Variants in KRCC1 observed in about 807,000 individuals in gnomAD.
The protein encoded by KRCC1 is lysine rich coiled-coil 1, also known as lysine-rich coiled-coil protein 1.
KRCC1 carries 3 observed loss-of-function variants against 7.4 expected under a neutral mutation model. The observed-to-expected ratio is 0.40, with a 90% CI of 0.18 to 1.04. The LOEUF (loss-of-function observed/expected upper bound fraction) is 1.04, where lower values mean the gene tolerates loss of function less well. Among genes scored for constraint, KRCC1 ranks in the 50% least tolerant of loss-of-function variants. KRCC1 has a pLI of 0.33. For synonymous variants in KRCC1, 102 were observed against 101.6 expected (o/e 1.00, Z -0.02); for missense variants, 277 against 300.9 (o/e 0.92, Z 0.59).
At chr2:88,042,465 C>T (rs1391055333) in intron 1 of KRCC1, among the ~76,000 whole-genome samples, 1 of 150,514 alleles carries the variant, frequency 6.6e-6, no homozygotes, top group East Asian at 2.0e-4. Flanking sequence ...GTCCCTGAGG[C>T]TGGAGTGCAG....
chr2:88,049,364 G>A (rs1319832338), intron 1 of KRCC1, among the ~76,000 whole-genome samples: 1 of 152,156 alleles, frequency 6.6e-6, no homozygotes, highest in Admixed American at 6.5e-5. Flanking sequence ...AATGTGAATG[G>A]GTTTGTAAGA....
intron 1 of KRCC1, among the ~76,000 whole-genome samples, chr2:88,040,030 A>G (rs777159971): frequency 6.6e-5 from 10 of 152,190 alleles, no homozygotes; most frequent in Admixed American, 2.0e-4. Flanking sequence ...AAGAACAGGT[A>G]AATACTGTCT....
intron 2 of KRCC1, among the ~76,000 whole-genome samples, chr2:88,035,673 G>T (rs531298967): frequency 6.6e-6 from 1 of 152,060 alleles, no homozygotes; most frequent in South Asian, 2.1e-4. Context: ...GTAAATGTAG[G>T]GAAAAGGACA....
intron 2 of KRCC1, among the ~76,000 whole-genome samples, 164 bp downstream of exon 2, chr2:88,036,779 C>T (rs934536811): frequency 6.6e-6 from 1 of 152,136 alleles, no homozygotes; most frequent in Non-Finnish European, 1.5e-5. Flanking sequence ...GAATTTAAAT[C>T]CTACTTCCCC....
intron 1 of KRCC1, among the ~76,000 whole-genome samples, chr2:88,054,973 A>G (rs1282591014): frequency 1.3e-5 from 2 of 152,168 alleles, no homozygotes; most frequent in East Asian, 1.9e-4. Flanking sequence ...TCTCTAAATT[A>G]GAGGATTAAA....
In KRCC1 at chr2:88,028,547, T is replaced by C; in HGVS notation, c.17A>G (p.Lys6Arg). The C allele has an allele frequency of 6.2e-7, 1 of 1,609,672 alleles. No homozygotes were observed. The highest frequency in any genetic ancestry group is 8.5e-7 in the Non-Finnish European group (1 of 1,178,678). MKHSK[K>R]TYDSFQDELE... is the part of the protein sequence containing the mutation. The stretch of plus-strand genomic sequence containing the variant: ...TTCATCTTGAAAAGAGTCATATGTC[T>C]TCTTTGAATGCTTCATTAGGTTGAC... Residue 6 changes from lysine (K) to arginine (R), a missense_variant, in exon 4 of 4, where the codon AAG becomes AGG. By Grantham distance (26) the Lys-to-Arg change is conservative (BLOSUM62 2). Transcript: ENST00000347055.
intron 1 of KRCC1, among the ~76,000 whole-genome samples, chr2:88,044,500 A>G (rs1243415519): frequency 6.7e-6 from 1 of 150,024 alleles, no homozygotes; most frequent in Admixed American, 6.6e-5. Context: ...TAGAAGATAT[A>G]AAGACTTTTT....
intron 1 of KRCC1, among the ~76,000 whole-genome samples, chr2:88,039,289 A>G (rs898136720): frequency 1.3e-5 from 2 of 152,220 alleles, no homozygotes; most frequent in African/African-American, 2.4e-5. Flanking sequence ...ACTAATCTTA[A>G]TATTAATGCC....
At chr2:88,048,392 G>T (rs1265514728) in intron 1 of KRCC1, among the ~76,000 whole-genome samples, 2 of 152,086 alleles carry the variant, frequency 1.3e-5, no homozygotes, top group East Asian at 3.9e-4. Context: ...GTATTTTATT[G>T]AAGTTATCTA....
rs1055798512 is a variant in KRCC1 at position 88,027,936 on chromosome 2, T to C, written c.628A>G (p.Ser210Gly). ...TEVEIETVHV[S>G]TEKLKNRKEK... ...TTTCGATTCTTAAGCTTTTCTGTAC[T>C]GACATGTACGGTTTCTATTTCCACC... Residue 210 changes from serine to glycine, a missense_variant, in exon 4 of 4, where the codon AGT becomes GGT. Transcript: ENST00000347055. The C allele has an allele frequency of 1.2e-6, 2 of 1,614,040 alleles. No individual in the cohort carries two copies. Among genetic ancestry groups the C allele is most frequent in the Non-Finnish European group, 8.5e-7 (1 of 1,180,022 alleles).
At chr2:88,052,036 T>G (rs1673501126) in intron 1 of KRCC1, among the ~76,000 whole-genome samples, 1 of 152,254 alleles carries the variant, frequency 6.6e-6, no homozygotes, top group Non-Finnish European at 1.5e-5. Context: ...CTCACCATGT[T>G]CCTCGTGGGT....
intron 2 of KRCC1, among the ~76,000 whole-genome samples, chr2:88,036,702 T>C (rs1573077209): frequency 1.3e-5 from 2 of 152,176 alleles, no homozygotes; most frequent in East Asian, 3.9e-4. Context: ...TACAGTGGCT[T>C]TCTGGATAAG....
At chr2:88,031,590 C>T (rs1207089461) in intron 3 of KRCC1, among the ~76,000 whole-genome samples, 1 of 149,454 alleles carries the variant, frequency 6.7e-6, no homozygotes, top group Non-Finnish European at 1.5e-5. Flanking sequence ...CCACTGCACT[C>T]CAGCCTGGGC....
intron 1 of KRCC1, among the ~76,000 whole-genome samples, chr2:88,053,832 G>A (rs1382225205): frequency 1.3e-5 from 2 of 152,044 alleles, no homozygotes; most frequent in African/African-American, 2.4e-5. Context: ...ATTTTTATGG[G>A]GTTATATTTA....
chr2:88,039,699 ATAT>A (rs935231306), intron 1 of KRCC1, among the ~76,000 whole-genome samples: 2 of 151,642 alleles, frequency 1.3e-5, no homozygotes, highest in African/African-American at 4.8e-5. Context: ...AAATATATAT[ATAT>A]TATATATAAT....
At chr2:88,036,395 G>C (rs79763947) in intron 2 of KRCC1, among the ~76,000 whole-genome samples, 1 of 152,192 alleles carries the variant, frequency 6.6e-6, no homozygotes, top group Admixed American at 6.5e-5. Context: ...TATTGGCTTA[G>C]TCATGCCCAT....
chr2:88,028,589 C>CA lies in KRCC1; in HGVS notation c.-22-5dup, dbSNP rs767046281. 12 of 1,536,104 alleles carry CA rather than the reference C, an allele frequency of 7.8e-6. No individual in the cohort carries two copies. The highest frequency in any genetic ancestry group is 2.3e-5 in the East Asian group (1 of 43,584). On this transcript the variant is annotated splice_polypyrimidine_tract_variant and splice_region_variant and intron_variant, in intron 3 of 3. Coordinates refer to ENST00000347055, the MANE Select transcript of KRCC1 (RefSeq NM_016618.3). ...TAGGTTGACAAAACGGGATTTTCTG[C>CA]AAAAAAGGGAGAAAATTCTTACCAG...
intron 1 of KRCC1, among the ~76,000 whole-genome samples, chr2:88,044,044 A>G (rs1307922788): frequency 6.6e-6 from 1 of 152,228 alleles, no homozygotes; most frequent in Non-Finnish European, 1.5e-5. Flanking sequence ...ATCTTATAGA[A>G]GAGGAAACTG....
chr2:88,029,978 G>A (rs1672963508), intron 3 of KRCC1, among the ~76,000 whole-genome samples: 1 of 150,860 alleles, frequency 6.6e-6, no homozygotes, highest in African/African-American at 2.4e-5. Flanking sequence ...CTCCTGAGTA[G>A]TTAAGACTAC....
Sources: allele counts gnomAD v4.1 joint callset (sites outside exome capture counted in the v4.1 genomes callset), GRCh38; gene constraint gnomAD v4.1.1; transcripts MANE v1.5; gene names NCBI Gene and HGNC (gene_info 2026-07-23, HGNC 2026-07-21).